The following KIAA0319 variants were observed in gnomAD, a reference collection of about 807,000 sequenced individuals.
KIAA0319 encodes KIAA0319.
In KIAA0319, 83 loss-of-function variants were observed where a neutral mutation model predicts 108.4. The ratio of observed to expected loss-of-function variants is 0.77; its 90% CI spans 0.64 to 0.92. The LOEUF is 0.92. Ranked by LOEUF, KIAA0319 falls within the 40% of genes least tolerant of loss-of-function variation. The probability of loss-of-function intolerance (pLI) is 0.00; values close to 1 mark genes in which losing one functional copy is unlikely to be tolerated. For missense variants in KIAA0319, 1,195 were observed against 1,322.4 expected (o/e 0.90, Z 1.49); for synonymous variants, 484 against 510.4 (o/e 0.95, Z 0.70).
At chr6:24,601,580 A>T (rs528216900) in intron 1 of KIAA0319, among the ~76,000 whole-genome samples, 3 of 152,320 alleles carry the variant, frequency 2.0e-5, no homozygotes, top group African/African-American at 4.8e-5. Flanking sequence ...GAAAAAGAGA[A>T]AGCCTCAGGT....
intron 1 of KIAA0319, among the ~76,000 whole-genome samples, chr6:24,607,301 A>T (rs1771555413): frequency 6.6e-6 from 1 of 152,154 alleles, no homozygotes; most frequent in Non-Finnish European, 1.5e-5. Context: ...GGTTGCAGTG[A>T]GCCGAGATCG....
At chr6:24,593,601 C>G (rs1013239043) in intron 3 of KIAA0319, among the ~76,000 whole-genome samples, 2 of 151,384 alleles carry the variant, frequency 1.3e-5, no homozygotes, top group African/African-American at 4.8e-5. Context: ...TGGGGTTTCA[C>G]CATGTTAGCC....
chr6:24,623,075 A>C (rs13192370), intron 1 of KIAA0319, among the ~76,000 whole-genome samples: 6 of 151,954 alleles, frequency 3.9e-5, no homozygotes, highest in Non-Finnish European at 8.8e-5. Context: ...GAGAGAGATT[A>C]AGTCACTTGC....
chr6:24,588,485 G>T, intron 4 of KIAA0319, 108 bp downstream of exon 4: 1 of 874,822 alleles, frequency 1.1e-6, no homozygotes, highest in Non-Finnish European at 1.9e-6. Context: ...CATGATAGAT[G>T]CTGAAAAATG....
chr6:24,581,782 C>G (rs1766583646), intron 6 of KIAA0319, among the ~76,000 whole-genome samples: 1 of 152,182 alleles, frequency 6.6e-6, no homozygotes, highest in African/African-American at 2.4e-5. Flanking sequence ...GCCTCTTAAC[C>G]ATCTGCCTGC....
intron 3 of KIAA0319, among the ~76,000 whole-genome samples, chr6:24,591,859 G>C (rs1002622635): frequency 6.6e-6 from 1 of 152,052 alleles, no homozygotes; most frequent in Non-Finnish European, 1.5e-5. Context: ...AGTCTATTCA[G>C]ATCCTTTGCC....
Position 24,599,108 on chromosome 6 carries a change from G to A in KIAA0319, c.55+1941C>T. 1.4e-6 allele frequency: 1 copy of A among 690,640 alleles called. No homozygotes were observed. Among genetic ancestry groups the A allele is most frequent in the Non-Finnish European group, 2.5e-6 (1 of 392,840 alleles). The allele number at this position is 690,640 out of a possible 1,614,324, so 42.8% of individuals were successfully genotyped here. A position where few individuals can be genotyped will look rare whatever the true frequency, so the allele number is the denominator to read the frequency against. Reference sequence around the variant, plus strand: ...TGGTGCTGTCCATGGACAACAGCTGGTCCCTGGACATGGACAGCATCATTG... The same window carrying A: ...TGGTGCTGTCCATGGACAACAGCTGATCCCTGGACATGGACAGCATCATTG... On this transcript the variant is annotated intron_variant, in intron 2 of 20. Transcript: ENST00000378214. This position sits in a 1 kb window ranked among gnomAD's most constrained non-coding sequence, Gnocchi z 4.1.
At position 24,566,640 on chromosome 6, in the gene KIAA0319, A is replaced by T; in HGVS notation, c.2249T>A (p.Val750Glu). 6.2e-7 allele frequency: 1 copy of T among 1,613,172 alleles called. No individual in the cohort carries two copies. Among genetic ancestry groups the T allele is most frequent in the Non-Finnish European group, 8.5e-7 (1 of 1,179,646 alleles). ...GSRSTDDQRI[V>E]SYLWIRDGQS... The stretch of plus-strand genomic sequence containing the variant: ...GCCATCCCGGATCCACAGATAGGAC[A>T]CAATTCTTTGGTCATCAGTAGACCT... Residue 750 changes from valine to glutamate, a missense_variant, in exon 14 of 21, where the codon GTG (valine) becomes GAG (glutamate). Coordinates refer to ENST00000378214, the MANE Select transcript of KIAA0319 (RefSeq NM_014809.4).
At chr6:24,594,339 A>G (rs1281568112) in intron 3 of KIAA0319, among the ~76,000 whole-genome samples, 3 of 148,994 alleles carry the variant, frequency 2.0e-5, no homozygotes, top group Non-Finnish European at 3.0e-5. Context: ...TTCTGATTCA[A>G]TCTTGGCTGG....
chr6:24,554,309 T>C (rs536840608), intron 19 of KIAA0319, among the ~76,000 whole-genome samples: 6 of 152,296 alleles, frequency 3.9e-5, no homozygotes, highest in African/African-American at 1.4e-4. Context: ...TGATAGAGAA[T>C]AACATTAGAT....
At chr6:24,563,322 T>C in intron 16 of KIAA0319, 37 bp downstream of exon 16, 1 of 1,581,296 alleles carries the variant, frequency 6.3e-7, no homozygotes. Flanking sequence ...TGGAATTTTG[T>C]ACGGCCAAGG....
At chr6:24,582,149 AAAG>A (rs1001430016) in intron 6 of KIAA0319, 97 bp downstream of exon 6, 10 of 732,718 alleles carry the variant, frequency 1.4e-5, no homozygotes, top group Non-Finnish European at 2.2e-5. Context: ...CTGTCCCCAA[AAAG>A]AAGAAAGACG....
Position 24,559,120 on chromosome 6 carries a change from G to A in KIAA0319, c.2627C>T (p.Pro876Leu). The stretch of plus-strand genomic sequence containing the variant: ...TTCAGCAGCTTTGAGAACCTTGAAA[G>A]GCGGCCTGCTCTGTACATAAAACAC... ...VIVFYVQSRP[P>L]FKVLKAAEVA... The change falls in exon 17 of 21, where the codon CCT (proline) becomes CTT (leucine). Residue 876 changes from proline (P) to leucine (L), a missense_variant. Pro to Leu is a moderately conservative substitution (Grantham distance 98). Transcript: ENST00000378214. The A allele has an allele frequency of 6.2e-7, 1 of 1,613,644 alleles. No homozygotes were observed.
intron 2 of KIAA0319, chr6:24,600,539 A>T: frequency 1.3e-6 from 1 of 775,212 alleles, no homozygotes; most frequent in Non-Finnish European, 2.2e-6. Context: ...TATCTTCATT[A>T]TGGCTGTGTT....
chr6:24,554,518 C>T, intron 19 of KIAA0319, 23 bp downstream of exon 19: 1 of 1,566,480 alleles, frequency 6.4e-7, no homozygotes, highest in Non-Finnish European at 8.8e-7. Context: ...TCTCTATTTC[C>T]CAGGAATAAG....
Position 24,545,172 on chromosome 6 carries a change from T to C in KIAA0319, c.*1993A>G, listed in dbSNP as rs779199689. 6.6e-6 allele frequency: 1 copy of C among 152,170 alleles called. No homozygotes were observed. Among genetic ancestry groups the C allele is most frequent in the Non-Finnish European group, 1.5e-5 (1 of 68,024 alleles). The allele number at this position is 152,170 out of a possible 1,614,324, so 9.4% of individuals were successfully genotyped here. On this transcript the variant is annotated 3_prime_UTR_variant, in exon 21 of 21. Coordinates refer to ENST00000378214, the MANE Select transcript of KIAA0319 (RefSeq NM_014809.4). ...ATCAAGGCAGGAGTTCTTTGTTTAG[T>C]GGAAAGCAGAACTCTACAGTTTAAA...
At chr6:24,598,165 G>A in intron 2 of KIAA0319, 3 of 452,116 alleles carry the variant, frequency 6.6e-6, no homozygotes, top group Non-Finnish European at 1.3e-5. Context: ...AGGTGGCCTG[G>A]GCACCAGTAT....
rs1770344700 is a variant in KIAA0319 at position 24,599,870 on chromosome 6, C to T, written c.55+1179G>A. On this transcript the variant is annotated intron_variant, in intron 2 of 20. Coordinates refer to ENST00000378214, the MANE Select transcript of KIAA0319 (RefSeq NM_014809.4). The surrounding 1 kb of genome is among the most constrained non-coding windows in gnomAD (Gnocchi z 4.1). ...TGGGGGAGGCCACTGTGCAGGGGAG[C>T]ATAGGGAACAGGAGACCCACCTGAG... 1.9e-5 allele frequency: 7 copies of T among 376,908 alleles called. No homozygotes were observed. Among genetic ancestry groups the T allele is most frequent in the South Asian group, 1.7e-4 (7 of 40,112 alleles). The allele number at this position is 376,908 out of a possible 1,614,324, so 23.3% of individuals were successfully genotyped here. A position where few individuals can be genotyped will look rare whatever the true frequency, so the allele number is the denominator to read the frequency against.
At chr6:24,630,301 G>A (rs1775351278) in intron 1 of KIAA0319, among the ~76,000 whole-genome samples, 1 of 152,020 alleles carries the variant, frequency 6.6e-6, no homozygotes, top group East Asian at 1.9e-4. Context: ...TTAAGGTCAG[G>A]AGTTCGAGGC....
Sources: allele counts gnomAD v4.1 joint callset (sites outside exome capture counted in the v4.1 genomes callset), GRCh38; gene constraint gnomAD v4.1.1; non-coding constraint Gnocchi (gnomAD v3.1); transcripts MANE v1.5; gene names NCBI Gene and HGNC (gene_info 2026-07-23, HGNC 2026-07-21).